CHRNB3: variants seen among roughly 807,000 people sequenced by gnomAD.
CHRNB3 encodes cholinergic receptor nicotinic beta 3 subunit, also known as neuronal acetylcholine receptor subunit beta-3.
In CHRNB3, 37 loss-of-function variants were observed where a neutral mutation model predicts 40.6. That is an observed-to-expected ratio of 0.91 (90% confidence interval 0.70 to 1.20). The LOEUF is 1.20. CHRNB3 is among the 50% of genes most tolerant of loss of function. The probability of loss-of-function intolerance (pLI) is 0.00; values close to 1 mark genes in which losing one functional copy is unlikely to be tolerated. For synonymous variants in CHRNB3, 207 were observed against 207.1 expected (o/e 1.00, Z 0.00); for missense variants, 505 against 551.2 (o/e 0.92, Z 0.84).
chr8:42,717,328 C>A (rs1053190441), intron 3 of CHRNB3, among the ~76,000 whole-genome samples: 1 of 110,442 alleles, frequency 9.1e-6, no homozygotes, highest in African/African-American at 3.7e-5. Context: ...GAGCCGAGAT[C>A]CCGCCACTGC....
In CHRNB3 at chr8:42,736,490, C is replaced by T. The variant is rs78682427; in HGVS notation, c.1249C>T (p.Gln417Ter). 328 of 1,614,046 alleles carry T rather than the reference C, an allele frequency of 2.0e-4. No individual in the cohort carries two copies. The highest frequency in any genetic ancestry group is 2.5e-4 in the Non-Finnish European group (296 of 1,180,044). ...KKEHFISQVV[Q>*]DWKFVAQVLD... The stretch of plus-strand genomic sequence containing the variant: ...ATCTTTTTCTCTTTTGCAGGTAGTA[C>T]AAGACTGGAAATTTGTAGCTCAAGT... Residue 417 changes from glutamine to a stop codon, truncating the protein, a stop_gained, in exon 6 of 6, where the codon CAA becomes TAA. Coordinates refer to ENST00000289957, the MANE Select transcript of CHRNB3 (RefSeq NM_000749.5). LOFTEE classifies it high-confidence loss of function.
chr8:42,736,376 T>G (rs1563618318), intron 5 of CHRNB3, 108 bp from the exon 6 acceptor site: 1 of 1,378,032 alleles, frequency 7.3e-7, no homozygotes, highest in Non-Finnish European at 1.0e-6. Flanking sequence ...TTTTGAAAAC[T>G]TAAGTAAATG....
chr8:42,702,488 C>A (rs181928572), intron 1 of CHRNB3, among the ~76,000 whole-genome samples: 2 of 152,238 alleles, frequency 1.3e-5, no homozygotes, highest in East Asian at 3.9e-4. Context: ...AGCAAGGAGG[C>A]CAGGCACGAT....
rs538846886 is a variant in CHRNB3, at chr8:42,707,222, T to G, written c.53-1495T>G. 9.2e-5 allele frequency among the ~76,000 whole-genome samples: 14 copies of G among 152,330 alleles called. No individual in the cohort carries two copies. In the South Asian group the frequency reaches 2.9e-3, roughly 32 times the overall value. On this transcript the variant is annotated intron_variant, in intron 1 of 5. Coordinates refer to ENST00000289957, the MANE Select transcript of CHRNB3 (RefSeq NM_000749.5). Reference sequence around the variant, plus strand: ...ACAGAGGCACCTGGAATTGCTCCTCTCTTAGGAAAGTGCCTACAGAAGCCT... The same window carrying G: ...ACAGAGGCACCTGGAATTGCTCCTCGCTTAGGAAAGTGCCTACAGAAGCCT...
chr8:42,710,902 A>G (rs914664865), intron 3 of CHRNB3, among the ~76,000 whole-genome samples: 9 of 152,224 alleles, frequency 5.9e-5, no homozygotes, highest in South Asian at 2.1e-4. Context: ...ATGGAGGAAT[A>G]ACGGGGCTGC....
At chr8:42,700,961 G>A (rs1418036839) in intron 1 of CHRNB3, among the ~76,000 whole-genome samples, 2 of 151,796 alleles carry the variant, frequency 1.3e-5, no homozygotes, top group Non-Finnish European at 2.9e-5. Context: ...GTCGGGTGTG[G>A]GGCTTACGTC....
chr8:42,700,309 C>T (rs1354935166), intron 1 of CHRNB3, among the ~76,000 whole-genome samples: 1 of 150,430 alleles, frequency 6.6e-6, no homozygotes, highest in African/African-American at 2.4e-5. Context: ...GCCACTGCGC[C>T]CGGCCTTGTT....
At chr8:42,704,468 G>C (rs1208473808) in intron 1 of CHRNB3, 1 of 152,214 alleles carries the variant, frequency 6.6e-6, no homozygotes, top group African/African-American at 2.4e-5. Context: ...TACCTTCACA[G>C]GGAGCACAGC....
At chr8:42,717,361 G>A (rs1334837743) in intron 3 of CHRNB3, among the ~76,000 whole-genome samples, 3 of 41,918 alleles carry the variant, frequency 7.2e-5, no homozygotes, top group South Asian at 1.2e-3. Flanking sequence ...GTGACAGAGC[G>A]AGACTCCGTC....
At chr8:42,718,106 A>T (rs556106362) in intron 3 of CHRNB3, among the ~76,000 whole-genome samples, 87 of 152,048 alleles carry the variant, frequency 5.7e-4, no homozygotes, top group Non-Finnish European at 7.3e-4. Flanking sequence ...CTAGGATTAT[A>T]GGGGTGAGCC....
chr8:42,700,082 C>T (rs1487197400), intron 1 of CHRNB3, among the ~76,000 whole-genome samples: 1 of 149,440 alleles, frequency 6.7e-6, no homozygotes, highest in Non-Finnish European at 1.5e-5. Context: ...GGCGCGATCT[C>T]TGCTCACTGC....
At chr8:42,718,807 C>T (rs1276722642) in intron 3 of CHRNB3, among the ~76,000 whole-genome samples, 1 of 151,162 alleles carries the variant, frequency 6.6e-6, no homozygotes, top group Non-Finnish European at 1.5e-5. Flanking sequence ...TATGAGTGAT[C>T]GTTCAGGTAA....
At chr8:42,715,976 CTTTTTT>C (rs34401500) in intron 3 of CHRNB3, among the ~76,000 whole-genome samples, 2 of 124,174 alleles carry the variant, frequency 1.6e-5, no homozygotes, top group Non-Finnish European at 3.3e-5. Flanking sequence ...TTAAACTGAC[CTTTTTT>C]TTTTTTTTTT....
At chr8:42,703,398 G>A (rs568973399) in intron 1 of CHRNB3, among the ~76,000 whole-genome samples, 14 of 103,488 alleles carry the variant, frequency 1.4e-4, no homozygotes, top group South Asian at 3.6e-4. Flanking sequence ...CCCTTCAGCC[G>A]GGGTGACAGA....
rs759422009 is a variant in CHRNB3 at position 42,732,083 on chromosome 8, C to A, written c.776C>A (p.Ser259Ter). 3.7e-6 allele frequency: 6 copies of A among 1,613,944 alleles called. No homozygotes were observed. In the African/African-American group the frequency reaches 5.3e-5, roughly 14 times the overall value. Residue 259 changes from serine to a stop codon, truncating the protein, a stop_gained, in exon 5 of 6, where the codon TCG becomes TAG. Transcript: ENST00000289957. LOFTEE classifies it high-confidence loss of function. ...ACAGTTCTTGTGTTCTATTTACCTT[C>A]GGATGAAGGAGAAAAACTTTCATTA... ...FLTVLVFYLPSDEGEKLSLST... is the reference protein window; with the variant it reads ...FLTVLVFYLP
rs996436739 is a variant in CHRNB3 at position 42,731,738 on chromosome 8, C to T, written c.431C>T (p.Thr144Ile). ...AAATCAAACGGAACTGTTGTCTGGA[C>T]CCCTCCCGCCAGCTACAAAAGCTCC... ...IVKSNGTVVWTPPASYKSSCT... is the reference protein window; with the variant it reads ...IVKSNGTVVWIPPASYKSSCT... The change falls in exon 5 of 6, where the codon ACC (threonine) becomes ATC (isoleucine). Residue 144 changes from threonine (T) to isoleucine (I), a missense_variant. Coordinates refer to ENST00000289957, the MANE Select transcript of CHRNB3 (RefSeq NM_000749.5). 7 of 1,613,980 alleles carry T rather than the reference C, an allele frequency of 4.3e-6. No individual in the cohort carries two copies. The highest frequency in any genetic ancestry group is 3.3e-5 in the Admixed American group (2 of 59,982).
At chr8:42,714,362 C>T (rs943859872) in intron 3 of CHRNB3, among the ~76,000 whole-genome samples, 1 of 151,832 alleles carries the variant, frequency 6.6e-6, no homozygotes, top group Non-Finnish European at 1.5e-5. Context: ...ATTAGCCAGG[C>T]GTGGTGGTGG....
At chr8:42,706,678 C>T (rs1262569319) in intron 1 of CHRNB3, among the ~76,000 whole-genome samples, 3 of 152,190 alleles carry the variant, frequency 2.0e-5, no homozygotes, top group Non-Finnish European at 4.4e-5. Context: ...TCTTTACAGA[C>T]TGACACCCTG....
rs1333214449 is a variant in CHRNB3, at chr8:42,736,648, C to T, written c.*30C>T. 1 of 1,612,678 alleles carries T rather than the reference C, an allele frequency of 6.2e-7. No homozygotes were observed. Among genetic ancestry groups the T allele is most frequent in the South Asian group, 1.1e-5 (1 of 90,854 alleles). ...TTAAAAGACATAAGACTAAATTACA[C>T]CTTAGACCTGACATCTGGCTATCAC... is the stretch of plus-strand genomic sequence containing the variant. On this transcript the variant is annotated 3_prime_UTR_variant, in exon 6 of 6. Coordinates refer to ENST00000289957, the MANE Select transcript of CHRNB3 (RefSeq NM_000749.5).
Sources: allele counts gnomAD v4.1 joint callset (sites outside exome capture counted in the v4.1 genomes callset), GRCh38; gene constraint gnomAD v4.1.1; transcripts MANE v1.5; gene names NCBI Gene and HGNC (gene_info 2026-07-23, HGNC 2026-07-21).